Variants in STXBP4 observed in about 807,000 individuals in gnomAD.
The protein encoded by STXBP4 is syntaxin binding protein 4, also known as syntaxin-binding protein 4.
A neutral mutation model predicts 76.1 loss-of-function variants in STXBP4; 55 were observed. The ratio of observed to expected loss-of-function variants is 0.72; its 90% confidence interval spans 0.58 to 0.91. The LOEUF (loss-of-function observed/expected upper bound fraction) is 0.91, where lower values mean the gene tolerates loss of function less well. Among genes scored for constraint, STXBP4 ranks in the 40% least tolerant of loss-of-function variants. The pLI is 0.00. For missense variants in STXBP4, 618 were observed against 636.9 expected (o/e 0.97, Z 0.32); for synonymous variants, 201 against 220.2 (o/e 0.91, Z 0.77).
chr17:54,991,062 T>G, intron 4 of STXBP4, 105 bp downstream of exon 4: 2 of 1,228,628 alleles, frequency 1.6e-6, no homozygotes, highest in South Asian at 2.5e-5. Context: ...ACTGTGACCA[T>G]ACCTCAGTGA....
the STXBP4 span, among the ~76,000 whole-genome samples, chr17:55,204,498 G>T: frequency 6.6e-6 from 1 of 151,976 alleles, no homozygotes; most frequent in Non-Finnish European, 1.5e-5. Flanking sequence ...AATATTGTGT[G>T]TAAAAAATTA....
At chr17:55,130,105 A>C (rs928644743) in intron 16 of STXBP4, among the ~76,000 whole-genome samples, 1 of 152,202 alleles carries the variant, frequency 6.6e-6, no homozygotes, top group Admixed American at 6.5e-5. Context: ...GCCAGCAAAA[A>C]AACAGGGACC....
intron 16 of STXBP4, among the ~76,000 whole-genome samples, chr17:55,085,794 G>A (rs766882086): frequency 7.2e-5 from 11 of 152,018 alleles, no homozygotes; most frequent in Non-Finnish European, 1.6e-4. Context: ...GCCACTCATA[G>A]TGTCTACTCA....
chr17:55,118,330 G>C (rs2079806138), intron 16 of STXBP4, among the ~76,000 whole-genome samples: 1 of 151,948 alleles, frequency 6.6e-6, no homozygotes, highest in Non-Finnish European at 1.5e-5. Context: ...CATCTAATGA[G>C]TTAAGGAGAA....
intron 16 of STXBP4, among the ~76,000 whole-genome samples, chr17:55,119,140 C>T (rs946698602): frequency 1.8e-4 from 28 of 151,906 alleles, no homozygotes; most frequent in Non-Finnish European, 3.7e-4. Context: ...CATCCATTCT[C>T]GCTATAAAGC....
chr17:54,987,786 T>C (rs1293817756), intron 3 of STXBP4, among the ~76,000 whole-genome samples: 2 of 152,174 alleles, frequency 1.3e-5, no homozygotes, highest in East Asian at 3.8e-4. Context: ...ATTTATCTCT[T>C]TAGAAGTTGT....
intron 17 of STXBP4, among the ~76,000 whole-genome samples, chr17:55,149,717 G>A (rs908424837): frequency 1.3e-5 from 2 of 152,296 alleles, no homozygotes; most frequent in African/African-American, 2.4e-5. Context: ...CCCTGTGATA[G>A]GAGCAGAGAC....
At chr17:55,112,929 A>G (rs1295830373) in intron 16 of STXBP4, among the ~76,000 whole-genome samples, 2 of 152,130 alleles carry the variant, frequency 1.3e-5, no homozygotes, top group Admixed American at 6.6e-5. Context: ...AGGGGACAAC[A>G]TGTGAAAAAA....
At chr17:55,126,533 T>C (rs2079914968) in intron 16 of STXBP4, among the ~76,000 whole-genome samples, 1 of 152,136 alleles carries the variant, frequency 6.6e-6, no homozygotes, top group Non-Finnish European at 1.5e-5. Flanking sequence ...ATACCATGAT[T>C]GGGGTTTGGG....
At chr17:55,195,855 T>A in the STXBP4 span, among the ~76,000 whole-genome samples, 129 of 152,270 alleles carry the variant, frequency 8.5e-4, 1 homozygote, top group Admixed American at 2.3e-3. Context: ...TGTCACAGTG[T>A]CAGCGAGAGA....
At chr17:55,094,277 A>G (rs1402570700) in intron 16 of STXBP4, among the ~76,000 whole-genome samples, 2 of 151,968 alleles carry the variant, frequency 1.3e-5, no homozygotes, top group Non-Finnish European at 2.9e-5. Flanking sequence ...GGCTTTGAAC[A>G]CCATACTAAG....
intron 12 of STXBP4, among the ~76,000 whole-genome samples, chr17:55,065,310 C>T (rs1318636399): frequency 6.6e-6 from 1 of 152,086 alleles, no homozygotes; most frequent in Non-Finnish European, 1.5e-5. Flanking sequence ...TTTTATTTAG[C>T]TCTTGTTATG....
downstream of STXBP4, among the ~76,000 whole-genome samples, chr17:55,177,423 G>A (rs1023180636): frequency 4.6e-5 from 7 of 152,180 alleles, no homozygotes; most frequent in Admixed American, 3.9e-4. Context: ...GTGAAGGGAC[G>A]TGAACAGGCT....
chr17:55,191,127 T>C, the STXBP4 span, among the ~76,000 whole-genome samples: 1 of 152,210 alleles, frequency 6.6e-6, no homozygotes, highest in Non-Finnish European at 1.5e-5. Flanking sequence ...AGATCTTTTA[T>C]TCCCATTATA....
chr17:54,975,270 T>C (rs1310347888), intron 1 of STXBP4, among the ~76,000 whole-genome samples: 1 of 152,160 alleles, frequency 6.6e-6, no homozygotes, highest in African/African-American at 2.4e-5. Flanking sequence ...TCCTGAGTAG[T>C]AGCTGGGATT....
rs116051721 is a variant in STXBP4, at chr17:55,160,122, G to T, written c.*211G>T. The T allele has an allele frequency of 0.012, 4,587 of 369,768 alleles. 184 individuals are homozygous for T. Among genetic ancestry groups the T allele is most frequent in the African/African-American group, 0.087 (4,148 of 47,898 alleles). 22.9% of individuals were successfully genotyped at this position (369,768 alleles called of 1,614,324 possible). A position where few individuals can be genotyped will look rare whatever the true frequency, so the allele number is the denominator to read the frequency against. ...AATTGCCACTACAGTAGTTCCTTAA[G>T]AATAATCTAGTTATATTTTTTGAAA... is the stretch of plus-strand genomic sequence containing the variant. On this transcript the variant is annotated 3_prime_UTR_variant, in exon 18 of 18. Transcript: ENST00000376352.
At chr17:55,149,078 A>G (rs1157709974) in intron 17 of STXBP4, among the ~76,000 whole-genome samples, 1 of 152,242 alleles carries the variant, frequency 6.6e-6, no homozygotes, top group Non-Finnish European at 1.5e-5. Flanking sequence ...TAATGAGGCT[A>G]CAATGAAGAA....
chr17:55,116,202 C>G (rs890766635), intron 16 of STXBP4, among the ~76,000 whole-genome samples: 4 of 151,768 alleles, frequency 2.6e-5, no homozygotes, highest in Non-Finnish European at 5.9e-5. Flanking sequence ...TAGATGTACT[C>G]AAATCATTGC....
chr17:55,008,036 A>C (rs1480517391), intron 8 of STXBP4, among the ~76,000 whole-genome samples: 1 of 152,202 alleles, frequency 6.6e-6, no homozygotes, highest in African/African-American at 2.4e-5. Context: ...TCCACTAAAT[A>C]TAGAAAGATG....
Sources: gnomAD v4.1 joint callset for allele counts (sites outside exome capture counted in the v4.1 genomes callset) on GRCh38, gnomAD v4.1.1 for gene constraint, MANE v1.5 for transcripts, NCBI Gene and HGNC (gene_info 2026-07-23, HGNC 2026-07-21) for gene names.